Variants in DYM observed in about 807,000 individuals in gnomAD.
DYM encodes the protein dyggve-Melchior-Clausen syndrome protein.
A neutral mutation model predicts 93.1 loss-of-function variants in DYM; 78 were observed. That is an observed-to-expected ratio of 0.84 (90% confidence interval 0.70 to 1.01). DYM has a LOEUF of 1.01. DYM is among the 50% of genes least tolerant of loss of function. DYM has a pLI of 0.00. For synonymous variants in DYM, 321 were observed against 319.7 expected (o/e 1.00, Z -0.04); for missense variants, 789 against 845.0 (o/e 0.93, Z 0.82).
chr18:49,159,948 T>G (rs572863577), intron 15 of DYM, among the ~76,000 whole-genome samples: 91 of 152,332 alleles, frequency 6.0e-4, no homozygotes, highest in African/African-American at 2.2e-3. Context: ...TATCTTTGTT[T>G]CATTTTCTAT....
chr18:49,395,628 T>TAA (rs138858038), intron 2 of DYM, among the ~76,000 whole-genome samples: 2 of 134,668 alleles, frequency 1.5e-5, no homozygotes, highest in African/African-American at 5.5e-5. Context: ...AAACTCTGTC[T>TAA]AAAAAAAAAA....
intron 15 of DYM, among the ~76,000 whole-genome samples, chr18:49,135,538 G>A (rs1383200395): frequency 6.6e-6 from 1 of 152,178 alleles, no homozygotes; most frequent in Admixed American, 6.5e-5. Flanking sequence ...TAATACAGAG[G>A]AGCAGCTCAA....
At chr18:49,422,077 C>T (rs1464056368) in intron 2 of DYM, among the ~76,000 whole-genome samples, 1 of 152,188 alleles carries the variant, frequency 6.6e-6, no homozygotes, top group Non-Finnish European at 1.5e-5. Flanking sequence ...TTGGAAAACA[C>T]TCTGCAGGAT....
chr18:49,257,514 G>T (rs1317196900), intron 12 of DYM, among the ~76,000 whole-genome samples: 2 of 152,052 alleles, frequency 1.3e-5, no homozygotes, highest in Admixed American at 6.5e-5. Flanking sequence ...ACATGAATGT[G>T]TATCTGCAAT....
chr18:49,189,944 A>G (rs767052578), intron 14 of DYM, among the ~76,000 whole-genome samples: 2 of 152,250 alleles, frequency 1.3e-5, no homozygotes, highest in Non-Finnish European at 2.9e-5. Context: ...GTGATTCTTC[A>G]AAAGGAATAT....
intron 15 of DYM, among the ~76,000 whole-genome samples, chr18:49,150,009 A>C (rs1335327135): frequency 6.6e-6 from 1 of 152,144 alleles, no homozygotes; most frequent in Non-Finnish European, 1.5e-5. Context: ...ACCCAGCCTC[A>C]CAAAGTGTTT....
chr18:49,413,299 C>G (rs2072499893), intron 2 of DYM, among the ~76,000 whole-genome samples: 1 of 152,182 alleles, frequency 6.6e-6, no homozygotes, highest in East Asian at 1.9e-4. Flanking sequence ...TTCTCTCACA[C>G]GTGGGAATAA....
At chr18:49,397,482 C>T (rs1427250501) in intron 2 of DYM, among the ~76,000 whole-genome samples, 1 of 152,160 alleles carries the variant, frequency 6.6e-6, no homozygotes, top group African/African-American at 2.4e-5. Context: ...GGCTTTAGAG[C>T]CTGGTGACTT....
intron 8 of DYM, among the ~76,000 whole-genome samples, chr18:49,309,710 T>C (rs1002343704): frequency 6.6e-6 from 1 of 152,210 alleles, no homozygotes; most frequent in Non-Finnish European, 1.5e-5. Context: ...AATCAATACA[T>C]AGTATATCTG....
chr18:49,394,960 G>C (rs1334873521), intron 2 of DYM, among the ~76,000 whole-genome samples: 1 of 152,068 alleles, frequency 6.6e-6, no homozygotes, highest in Non-Finnish European at 1.5e-5. Flanking sequence ...AATGAAACTA[G>C]ACCCCTATCT....
chr18:49,104,080 T>C (rs1449616546), intron 16 of DYM, among the ~76,000 whole-genome samples: 3 of 152,162 alleles, frequency 2.0e-5, no homozygotes, highest in Non-Finnish European at 2.9e-5. Context: ...TATCCTCTTT[T>C]ATTTCATTAA....
intron 2 of DYM, among the ~76,000 whole-genome samples, chr18:49,418,224 T>C (rs1042599074): frequency 6.6e-6 from 1 of 152,204 alleles, no homozygotes. Context: ...CACACGATTA[T>C]GTTCACACAC....
chr18:49,195,469 C>T (rs992619613), intron 14 of DYM, among the ~76,000 whole-genome samples: 1 of 152,114 alleles, frequency 6.6e-6, no homozygotes, highest in East Asian at 1.9e-4. Flanking sequence ...CATATTTACC[C>T]TTCAGTACCA....
At chr18:49,312,180 G>C (rs1028551189) in intron 8 of DYM, among the ~76,000 whole-genome samples, 1 of 152,164 alleles carries the variant, frequency 6.6e-6, no homozygotes, top group African/African-American at 2.4e-5. Flanking sequence ...CAGAGGCTGT[G>C]AGAGCAGCAG....
chr18:49,367,056 C>T (rs1215459776), intron 5 of DYM, among the ~76,000 whole-genome samples: 1 of 152,172 alleles, frequency 6.6e-6, no homozygotes, highest in Non-Finnish European at 1.5e-5. Flanking sequence ...TTACTGAACA[C>T]TGTAAACACA....
chr18:49,406,465 G>A (rs1202312104), intron 2 of DYM, among the ~76,000 whole-genome samples: 2 of 152,054 alleles, frequency 1.3e-5, no homozygotes, highest in Non-Finnish European at 2.9e-5. Context: ...GGAGGTTGAG[G>A]CACAAGAATT....
chr18:49,156,627 G>C (rs2086474885), intron 15 of DYM, among the ~76,000 whole-genome samples: 2 of 151,620 alleles, frequency 1.3e-5, no homozygotes, highest in South Asian at 4.2e-4. Context: ...AGCTACTTGG[G>C]AGGCTGAGGC....
chr18:49,454,728 T>G (rs1251156900), intron 1 of DYM, among the ~76,000 whole-genome samples: 1 of 148,466 alleles, frequency 6.7e-6, no homozygotes, highest in African/African-American at 2.5e-5. Context: ...TGAAACCCCG[T>G]CTCTACTAAA....
chr18:49,441,569 C>G (rs79562505), intron 1 of DYM, among the ~76,000 whole-genome samples: 13,620 of 150,128 alleles, frequency 0.091, 830 homozygotes, highest in East Asian at 0.31. Flanking sequence ...ATATTAAGTA[C>G]AGTTGGGTAT....
Sources: gnomAD v4.1 joint callset for allele counts (sites outside exome capture counted in the v4.1 genomes callset) on GRCh38, gnomAD v4.1.1 for gene constraint, MANE v1.5 for transcripts, NCBI Gene and HGNC (gene_info 2026-07-23, HGNC 2026-07-21) for gene names.